PPP1R1C: variants seen among roughly 807,000 people sequenced by gnomAD.
PPP1R1C encodes the protein protein phosphatase 1 regulatory subunit 1C.
Under a neutral mutation model 17.4 loss-of-function variants are expected in PPP1R1C, and 15 were observed. That is an observed-to-expected ratio of 0.86 (90% CI 0.58 to 1.33). The LOEUF (loss-of-function observed/expected upper bound fraction) is 1.33. Ranked by LOEUF, PPP1R1C falls within the 40% of genes most tolerant of loss-of-function variation. PPP1R1C has a pLI of 0.00. For missense variants in PPP1R1C, 143 were observed against 130.0 expected (o/e 1.10, Z -0.48); for synonymous variants, 35 against 43.1 (o/e 0.81, Z 0.73).
At chr2:182,070,237 G>A (rs185010203) in intron 4 of PPP1R1C, among the ~76,000 whole-genome samples, 7 of 152,152 alleles carry the variant, frequency 4.6e-5, no homozygotes, top group African/African-American at 1.7e-4. Context: ...GGAATACGTG[G>A]CTCATACCAT....
chr2:182,051,421 G>T (rs781272433), intron 2 of PPP1R1C, among the ~76,000 whole-genome samples: 9 of 152,106 alleles, frequency 5.9e-5, no homozygotes, highest in Non-Finnish European at 1.0e-4. Flanking sequence ...GCCTATACAG[G>T]GAGAAGTGAT....
At chr2:182,040,086 G>A (rs1025311736) in intron 2 of PPP1R1C, among the ~76,000 whole-genome samples, 1 of 152,102 alleles carries the variant, frequency 6.6e-6, no homozygotes, top group Admixed American at 6.5e-5. Context: ...CCATATCTTT[G>A]CAATTGTGAA....
intron 2 of PPP1R1C, among the ~76,000 whole-genome samples, chr2:182,041,788 A>G (rs568491573): frequency 6.6e-6 from 1 of 152,298 alleles, no homozygotes; most frequent in South Asian, 2.1e-4. Flanking sequence ...ATGTGTTAAT[A>G]TAGTTGCCCT....
At chr2:181,999,783 A>C (rs138538304) in intron 2 of PPP1R1C, among the ~76,000 whole-genome samples, 2,188 of 151,806 alleles carry the variant, frequency 0.014, 20 homozygotes, top group Middle Eastern at 0.027. Flanking sequence ...CTAAAAACAA[A>C]AAAAAAAAGA....
chr2:182,036,381 C>T (rs1687004128), intron 2 of PPP1R1C, among the ~76,000 whole-genome samples: 1 of 152,156 alleles, frequency 6.6e-6, no homozygotes, highest in Non-Finnish European at 1.5e-5. Flanking sequence ...AGTCCTGATA[C>T]AAACTAAGTA....
chr2:182,095,134 CA>C (rs200429683), intron 4 of PPP1R1C, among the ~76,000 whole-genome samples: 2 of 151,118 alleles, frequency 1.3e-5, no homozygotes, highest in Non-Finnish European at 1.5e-5. Flanking sequence ...ACTAAAAATA[CA>C]AAAAAAAGAA....
intron 1 of PPP1R1C, among the ~76,000 whole-genome samples, chr2:181,969,821 G>T (rs1198466575): frequency 6.6e-6 from 1 of 152,120 alleles, no homozygotes. Context: ...CTCTGACTAT[G>T]TGTTTTCAAA....
intron 5 of PPP1R1C, among the ~76,000 whole-genome samples, chr2:182,125,969 G>C (rs1689862867): frequency 6.6e-6 from 1 of 151,976 alleles, no homozygotes; most frequent in Non-Finnish European, 1.5e-5. Context: ...GAATTTGTTT[G>C]TTCTTGCTTC....
intron 2 of PPP1R1C, among the ~76,000 whole-genome samples, chr2:182,043,655 A>C (rs1234523868): frequency 2.0e-5 from 3 of 150,770 alleles, no homozygotes; most frequent in African/African-American, 7.3e-5. Flanking sequence ...TGCTGACGTA[A>C]GTTGTATAGG....
intron 4 of PPP1R1C, among the ~76,000 whole-genome samples, chr2:182,106,726 T>A (rs1689264593): frequency 6.6e-6 from 1 of 152,196 alleles, no homozygotes; most frequent in Non-Finnish European, 1.5e-5. Context: ...ACAAGCCACC[T>A]GCAGACAGCA....
chr2:182,021,391 G>C (rs987077834), intron 2 of PPP1R1C, among the ~76,000 whole-genome samples: 4 of 131,536 alleles, frequency 3.0e-5, no homozygotes, highest in Admixed American at 9.1e-5. Context: ...GCAGTGGCAC[G>C]ATCTCATCTC....
chr2:181,993,953 T>C (rs970999561), intron 2 of PPP1R1C, among the ~76,000 whole-genome samples: 3 of 152,130 alleles, frequency 2.0e-5, no homozygotes, highest in African/African-American at 7.2e-5. Context: ...CCCAGCTTTT[T>C]TCTAATCCAG....
intron 2 of PPP1R1C, among the ~76,000 whole-genome samples, chr2:182,025,209 T>C (rs1480299770): frequency 6.7e-6 from 1 of 148,256 alleles, no homozygotes; most frequent in African/African-American, 2.4e-5. Flanking sequence ...ATTTATTTAT[T>C]TATTTATTTT....
chr2:181,989,977 G>T (rs1026108394), intron 2 of PPP1R1C, among the ~76,000 whole-genome samples: 4 of 152,192 alleles, frequency 2.6e-5, no homozygotes, highest in Admixed American at 6.5e-5. Context: ...CAGTAAAAAT[G>T]ATCTAGCACC....
At chr2:181,997,468 A>T (rs1685648159) in intron 2 of PPP1R1C, among the ~76,000 whole-genome samples, 1 of 137,984 alleles carries the variant, frequency 7.2e-6, no homozygotes, top group Non-Finnish European at 1.6e-5. Context: ...GGAATAAGCT[A>T]ATAATAATTT....
At chr2:182,096,070 A>G (rs1688925830) in intron 4 of PPP1R1C, among the ~76,000 whole-genome samples, 1 of 152,090 alleles carries the variant, frequency 6.6e-6, no homozygotes, top group African/African-American at 2.4e-5. Flanking sequence ...TAATACATTT[A>G]TTTAAATGAA....
At chr2:182,058,301 A>T (rs1471984307) in intron 2 of PPP1R1C, among the ~76,000 whole-genome samples, 1 of 151,902 alleles carries the variant, frequency 6.6e-6, no homozygotes, top group African/African-American at 2.4e-5. Flanking sequence ...TTGTATTGGG[A>T]TTTATCTGAT....
At chr2:182,102,670 A>C (rs1163227178) in intron 4 of PPP1R1C, among the ~76,000 whole-genome samples, 1 of 152,228 alleles carries the variant, frequency 6.6e-6, no homozygotes, top group African/African-American at 2.4e-5. Flanking sequence ...TGGGATTTTG[A>C]AAATACATCA....
At position 181,961,211 on chromosome 2, in the gene PPP1R1C, C is replaced by T; in HGVS notation, n.111+6577C>T. ...TACCCTGCTTCTGCTGGCTTGATGTCTTAGAACTTTGGTGTCATTGGTCTC... is the reference window on the plus strand; with the variant it reads ...TACCCTGCTTCTGCTGGCTTGATGTTTTAGAACTTTGGTGTCATTGGTCTC... On this transcript the variant is annotated intron_variant and non_coding_transcript_variant, in intron 1 of 5. Coordinates refer to the PPP1R1C transcript ENST00000464264. This position sits in a 1 kb window ranked among gnomAD's most constrained non-coding sequence, Gnocchi z 5.8. The T allele has an allele frequency of 2.2e-6, 2 of 904,376 alleles. No individual in the cohort carries two copies. The highest frequency in any genetic ancestry group is 2.6e-5 in the South Asian group (2 of 75,806). The allele number at this position is 904,376 out of a possible 1,614,324, so 56.0% of individuals were successfully genotyped here. A position where few individuals can be genotyped will look rare whatever the true frequency, so the allele number is the denominator to read the frequency against.
Sources: gnomAD v4.1 joint callset for allele counts (sites outside exome capture counted in the v4.1 genomes callset) on GRCh38, gnomAD v4.1.1 for gene constraint, Gnocchi (gnomAD v3.1) non-coding constraint, MANE v1.5 for transcripts, NCBI Gene and HGNC (gene_info 2026-07-23, HGNC 2026-07-21) for gene names.